The following CSMD2 variants were observed in gnomAD, a reference collection of about 807,000 sequenced individuals.
CSMD2 encodes CUB and Sushi multiple domains 2, also known as CUB and sushi domain-containing protein 2.
In CSMD2, 130 loss-of-function variants were observed where a neutral mutation model predicts 398.5. The ratio of observed to expected loss-of-function variants is 0.33; its 90% CI spans 0.28 to 0.38. CSMD2 has a LOEUF of 0.38. Ranked by LOEUF, CSMD2 falls within the 10% of genes least tolerant of loss-of-function variation. The pLI, the probability that CSMD2 is intolerant of heterozygous loss-of-function variation, is 1.00. For synonymous variants in CSMD2, 1,828 were observed against 1,908.5 expected (o/e 0.96, Z 1.10); for missense variants, 3,829 against 4,764.9 (o/e 0.80, Z 5.78).
At chr1:33,650,672 T>C (rs989026532) in intron 28 of CSMD2, among the ~76,000 whole-genome samples, 1 of 152,166 alleles carries the variant, frequency 6.6e-6, no homozygotes, top group African/African-American at 2.4e-5. Context: ...GATTTAAAAA[T>C]AAAGGATCTA....
chr1:33,837,549 G>C (rs1320371925), intron 6 of CSMD2, among the ~76,000 whole-genome samples: 1 of 152,162 alleles, frequency 6.6e-6, no homozygotes, highest in Non-Finnish European at 1.5e-5. Flanking sequence ...ACCCCCGATA[G>C]TATGCTTAAT....
rs531388221 is a variant in CSMD2, at chr1:33,723,755, G to T, written c.3001+442C>A. Among the ~76,000 whole-genome samples the T allele has an allele frequency of 4.6e-5, 7 of 152,248 alleles. No individual in the cohort carries two copies. The East Asian group carries it at 1.4e-3, about 29-fold the overall frequency. On this transcript the variant is annotated intron_variant, in intron 19 of 70. Transcript: ENST00000373381. ...GATGCTCCTCCAGGATGCAATACAA[G>T]AAAAACATTTTCAGAGACACCTAAT...
chr1:33,646,958 C>G, intron 28 of CSMD2, 123 bp from the exon 29 acceptor site: 1 of 917,896 alleles, frequency 1.1e-6, no homozygotes, highest in East Asian at 2.6e-5. Flanking sequence ...CACTGGTACC[C>G]AACCCCTGAA....
rs1471263913 is a variant in CSMD2 at position 33,516,384 on chromosome 1, T to C, written c.*240A>G. On this transcript the variant is annotated 3_prime_UTR_variant, in exon 71 of 71. Coordinates refer to ENST00000373381, the MANE Select transcript of CSMD2 (RefSeq NM_001281956.2). ...TTTAAATCCATAAACTTTCTTCCTC[T>C]GTCTGCAGCCCCTCTTCCTTTTCTG... 6.6e-6 allele frequency: 1 copy of C among 152,372 alleles called. No homozygotes were observed. The highest frequency in any genetic ancestry group is 2.4e-5 in the African/African-American group (1 of 41,462). 9.4% of individuals were successfully genotyped at this position (152,372 alleles called of 1,614,324 possible).
intron 6 of CSMD2, among the ~76,000 whole-genome samples, chr1:33,836,018 T>C (rs2125051314): frequency 6.6e-6 from 1 of 152,360 alleles, no homozygotes; most frequent in African/African-American, 2.4e-5. Flanking sequence ...TCTTTGATGA[T>C]GGTGACATAC....
intron 21 of CSMD2, among the ~76,000 whole-genome samples, chr1:33,712,185 T>C (rs1279486117): frequency 6.6e-6 from 1 of 151,974 alleles, no homozygotes; most frequent in African/African-American, 2.4e-5. Context: ...AGGCAGAGGG[T>C]TAGGTCTTCT....
intron 15 of CSMD2, among the ~76,000 whole-genome samples, chr1:33,735,313 T>C (rs962903707): frequency 2.0e-5 from 3 of 152,160 alleles, no homozygotes; most frequent in African/African-American, 2.4e-5. Context: ...TGGTGCAAGG[T>C]TGAAATGAGG....
At position 33,614,548 on chromosome 1, in the gene CSMD2, C is replaced by A. The variant is rs1209835312; in HGVS notation, c.6089G>T (p.Ser2030Ile). ...LSPGFPGNYPSNMDCSWKIAL... is the reference protein window; with the variant it reads ...LSPGFPGNYPINMDCSWKIAL... ...TATTTTCCAGGAGCAGTCCATGTTACTGGGGTAGTTGCCTGGGAAGCCGGG... is the reference window on the plus strand; with the variant it reads ...TATTTTCCAGGAGCAGTCCATGTTAATGGGGTAGTTGCCTGGGAAGCCGGG... Residue 2030 changes from serine to isoleucine, a missense_variant, in exon 40 of 71, where the codon AGT becomes ATT. Ser to Ile is a moderately radical substitution (Grantham distance 142). Coordinates refer to ENST00000373381, the MANE Select transcript of CSMD2 (RefSeq NM_001281956.2). 1 of 1,612,688 alleles carries A rather than the reference C, an allele frequency of 6.2e-7. No homozygotes were observed. Among genetic ancestry groups the A allele is most frequent in the Non-Finnish European group, 8.5e-7 (1 of 1,178,990 alleles).
rs772461725 is a variant in CSMD2 at position 33,533,936 on chromosome 1, C to G, written c.9880-29G>C. The stretch of plus-strand genomic sequence containing the variant: ...CGGCAAGATACAAAGTCCCATCAGC[C>G]CCTTCCTTTCAGCGGTGCTTCCTAC... On this transcript the variant is annotated intron_variant, in intron 62 of 70. Coordinates refer to ENST00000373381, the MANE Select transcript of CSMD2 (RefSeq NM_001281956.2). The surrounding 1 kb of genome is among the most constrained non-coding windows in gnomAD (Gnocchi z 4.2). The G allele has an allele frequency of 6.9e-7, 1 of 1,456,848 alleles. No homozygotes were observed. The highest frequency in any genetic ancestry group is 1.1e-5 in the South Asian group (1 of 87,198). The allele number at this position is 1,456,848 out of a possible 1,614,324, so 90.2% of individuals were successfully genotyped here.
At chr1:33,771,435 A>G (rs1472980710) in intron 13 of CSMD2, among the ~76,000 whole-genome samples, 2 of 152,142 alleles carry the variant, frequency 1.3e-5, no homozygotes, top group Non-Finnish European at 2.9e-5. Flanking sequence ...TTTTTTTTCA[A>G]TAAGGGTGAG....
chr1:33,733,607 G>C (rs1469488313), intron 15 of CSMD2, among the ~76,000 whole-genome samples: 1 of 152,096 alleles, frequency 6.6e-6, no homozygotes, highest in African/African-American at 2.4e-5. Context: ...TCAAGGGCAG[G>C]ACCAGGTGGA....
chr1:33,554,426 C>A (rs763152470), intron 55 of CSMD2, among the ~76,000 whole-genome samples: 1 of 152,062 alleles, frequency 6.6e-6, no homozygotes, highest in Non-Finnish European at 1.5e-5. Flanking sequence ...ATCTCCTGAT[C>A]TTGTGATCCA....
At chr1:33,544,612 T>A (rs1205211213) in intron 57 of CSMD2, among the ~76,000 whole-genome samples, 1 of 151,786 alleles carries the variant, frequency 6.6e-6, no homozygotes, top group South Asian at 2.1e-4. Context: ...TACATGGGGA[T>A]CACGTGGAGG....
At chr1:33,614,036 G>T (rs990128546) in intron 40 of CSMD2, among the ~76,000 whole-genome samples, 4 of 152,096 alleles carry the variant, frequency 2.6e-5, no homozygotes, top group Non-Finnish European at 5.9e-5. Flanking sequence ...ATGCAAACTC[G>T]ATTTCTCATT....
intron 1 of CSMD2, among the ~76,000 whole-genome samples, chr1:34,159,339 A>AACTC (rs1491468857): frequency 1.2e-5 from 1 of 80,838 alleles, no homozygotes; most frequent in Non-Finnish European, 3.1e-5. Flanking sequence ...CCCCCCCCCC[A>AACTC]CCCAGGAGCT....
intron 2 of CSMD2, among the ~76,000 whole-genome samples, chr1:34,088,262 G>A (rs990318870): frequency 6.6e-6 from 1 of 152,210 alleles, no homozygotes; most frequent in South Asian, 2.1e-4. Flanking sequence ...GGGAAGCCAC[G>A]CTGACCTGAC....
At chr1:33,651,935 C>G (rs559807461) in intron 28 of CSMD2, among the ~76,000 whole-genome samples, 1 of 152,008 alleles carries the variant, frequency 6.6e-6, no homozygotes, top group South Asian at 2.1e-4. Context: ...GGGGGGGGTG[C>G]CTGGGACCCA....
At chr1:34,022,777 T>C (rs999440478) in intron 3 of CSMD2, among the ~76,000 whole-genome samples, 2 of 151,592 alleles carry the variant, frequency 1.3e-5, no homozygotes, top group Non-Finnish European at 2.9e-5. Flanking sequence ...AGGTAAGGAG[T>C]CTGGACTCCA....
intron 52 of CSMD2, among the ~76,000 whole-genome samples, chr1:33,568,749 T>C (rs1313070083): frequency 6.6e-6 from 1 of 152,168 alleles, no homozygotes; most frequent in Non-Finnish European, 1.5e-5. Context: ...TTAATGGGCC[T>C]GAGACAGTGG....
Sources: gnomAD v4.1 joint callset for allele counts (sites outside exome capture counted in the v4.1 genomes callset) on GRCh38, gnomAD v4.1.1 for gene constraint, Gnocchi (gnomAD v3.1) non-coding constraint, MANE v1.5 for transcripts, NCBI Gene and HGNC (gene_info 2026-07-23, HGNC 2026-07-21) for gene names.